ZFPM2: variants seen among roughly 807,000 people sequenced by gnomAD.
ZFPM2 encodes the protein zinc finger protein ZFPM2.
In ZFPM2, 20 loss-of-function variants were observed where a neutral mutation model predicts 98.6. The observed-to-expected ratio is 0.20, with a 90% CI of 0.14 to 0.29. The LOEUF (loss-of-function observed/expected upper bound fraction) is 0.29, where lower values mean the gene tolerates loss of function less well. Among genes scored for constraint, ZFPM2 ranks in the 10% least tolerant of loss-of-function variants. The pLI, the probability that ZFPM2 is intolerant of heterozygous loss-of-function variation, is 1.00. For synonymous variants in ZFPM2, 518 were observed against 502.7 expected, an observed-to-expected ratio of 1.03 and a Z score of -0.41; for missense variants, 1,310 against 1,388.6, an observed-to-expected ratio of 0.94 and a Z score of 0.90.
At chr8:105,782,722 A>G (rs1189931429) in intron 5 of ZFPM2, among the ~76,000 whole-genome samples, 2 of 152,174 alleles carry the variant, frequency 1.3e-5, no homozygotes, top group African/African-American at 4.8e-5. Flanking sequence ...ATTGAATCCA[A>G]GGATGCAGAA....
intron 3 of ZFPM2, among the ~76,000 whole-genome samples, chr8:105,452,024 G>A (rs527536916): frequency 6.6e-6 from 1 of 152,146 alleles, no homozygotes; most frequent in East Asian, 1.9e-4. Flanking sequence ...AATAATTTGC[G>A]AGAAAAATCT....
chr8:105,608,994 A>G (rs1198894904), intron 4 of ZFPM2, among the ~76,000 whole-genome samples: 1 of 152,150 alleles, frequency 6.6e-6, no homozygotes, highest in East Asian at 1.9e-4. Flanking sequence ...ACAAGGAAAG[A>G]AGAGACACAT....
chr8:105,399,139 A>G (rs1464723906), intron 1 of ZFPM2, among the ~76,000 whole-genome samples: 1 of 152,242 alleles, frequency 6.6e-6, no homozygotes, highest in Non-Finnish European at 1.5e-5. Flanking sequence ...CCAACGGCCA[A>G]CTGGTTCTTT....
At chr8:105,580,827 C>CTCTCTATA (rs1277698205) in intron 4 of ZFPM2, among the ~76,000 whole-genome samples, 38 of 131,470 alleles carry the variant, frequency 2.9e-4, no homozygotes, top group African/African-American at 9.3e-4. Flanking sequence ...CTCTCTCTCT[C>CTCTCTATA]TATATATATA....
intron 5 of ZFPM2, among the ~76,000 whole-genome samples, chr8:105,685,347 T>C (rs1810707154): frequency 6.6e-6 from 1 of 152,118 alleles, no homozygotes; most frequent in South Asian, 2.1e-4. Flanking sequence ...ATGGAAAATG[T>C]ATCAGATGAT....
intron 1 of ZFPM2, among the ~76,000 whole-genome samples, chr8:105,330,628 A>G (rs1230745125): frequency 2.9e-5 from 2 of 68,450 alleles, no homozygotes; most frequent in African/African-American, 8.4e-5. Context: ...ATATATATAT[A>G]TATACATATA....
intron 5 of ZFPM2, among the ~76,000 whole-genome samples, chr8:105,715,649 G>A (rs1357152151): frequency 6.6e-6 from 1 of 152,024 alleles, no homozygotes; most frequent in African/African-American, 2.4e-5. Flanking sequence ...TTAAAAATAA[G>A]GGTCATCTGG....
chr8:105,787,604 T>G (rs1009298973), intron 5 of ZFPM2: 3 of 151,972 alleles, frequency 2.0e-5, no homozygotes, highest in African/African-American at 7.3e-5. Flanking sequence ...GCTCTAAGGG[T>G]GGAAAAAATG....
chr8:105,606,834 A>T (rs185400119), intron 4 of ZFPM2, among the ~76,000 whole-genome samples: 1 of 152,130 alleles, frequency 6.6e-6, no homozygotes, highest in African/African-American at 2.4e-5. Context: ...GATCACATAT[A>T]TAATTAAAGG....
At chr8:105,738,703 A>G (rs1812146048) in intron 5 of ZFPM2, among the ~76,000 whole-genome samples, 1 of 152,038 alleles carries the variant, frequency 6.6e-6, no homozygotes, top group South Asian at 2.1e-4. Flanking sequence ...CTTTCTCATA[A>G]TAGCCATCCT....
intron 4 of ZFPM2, among the ~76,000 whole-genome samples, chr8:105,599,918 T>A (rs1266329583): frequency 6.6e-6 from 1 of 152,150 alleles, no homozygotes; most frequent in South Asian, 2.1e-4. Flanking sequence ...GCAGGACTTA[T>A]CACCCCTGCT....
In ZFPM2 at chr8:105,583,497, G is replaced by A. The variant is rs186825352; in HGVS notation, c.420+22016G>A. On this transcript the variant is annotated intron_variant, in intron 4 of 7. Transcript: ENST00000407775. ...AGTAAATTTGGGGTTATCTTTTTTC[G>A]GTTTGTGCATTTTATAATTACTTAA... Among the ~76,000 whole-genome samples the A allele has an allele frequency of 3.7e-3, 558 of 152,016 alleles. 3 individuals are homozygous for A. The highest frequency in any genetic ancestry group is 7.1e-3 in the Admixed American group (108 of 15,276).
At chr8:105,783,716 G>GTTTCT (rs1488409311) in intron 5 of ZFPM2, among the ~76,000 whole-genome samples, 1 of 152,084 alleles carries the variant, frequency 6.6e-6, no homozygotes, top group Non-Finnish European at 1.5e-5. Flanking sequence ...ATATGTCAGA[G>GTTTCT]TTTCTTTTCA....
intron 6 of ZFPM2, among the ~76,000 whole-genome samples, chr8:105,789,668 C>A (rs1182480331): frequency 2.0e-4 from 30 of 152,036 alleles, no homozygotes; most frequent in Admixed American, 1.1e-3. Flanking sequence ...ACACTGACTT[C>A]CACAATGGTT....
intron 4 of ZFPM2, among the ~76,000 whole-genome samples, chr8:105,588,414 T>TC (rs995602541): frequency 2.0e-5 from 3 of 151,408 alleles, no homozygotes; most frequent in African/African-American, 2.4e-5. Context: ...ATATTTTTTT[T>TC]CCAAAAAAAA....
intron 1 of ZFPM2, among the ~76,000 whole-genome samples, chr8:105,368,638 C>T (rs2129800415): frequency 6.6e-6 from 1 of 152,110 alleles, no homozygotes; most frequent in East Asian, 1.9e-4. Context: ...AAGTTTCTTC[C>T]TCCCCAGATC....
intron 5 of ZFPM2, among the ~76,000 whole-genome samples, chr8:105,657,412 T>C (rs34473696): frequency 0.15 from 23,529 of 152,178 alleles, 2,223 homozygotes; most frequent in Middle Eastern, 0.29. Context: ...GTGCTGGGAT[T>C]ACGGGAGTGA....
intron 3 of ZFPM2, among the ~76,000 whole-genome samples, chr8:105,491,517 A>G (rs1813355937): frequency 6.6e-6 from 1 of 152,172 alleles, no homozygotes; most frequent in African/African-American, 2.4e-5. Flanking sequence ...TAAATTCCGG[A>G]CTGTGAGATG....
intron 6 of ZFPM2, among the ~76,000 whole-genome samples, chr8:105,791,766 G>T (rs1813619332): frequency 6.6e-6 from 1 of 152,128 alleles, no homozygotes. Flanking sequence ...CACAATTTCA[G>T]CTCCTGTTAT....
Sources: gnomAD v4.1 joint callset for allele counts (sites outside exome capture counted in the v4.1 genomes callset) on GRCh38, gnomAD v4.1.1 for gene constraint, MANE v1.5 for transcripts, NCBI Gene and HGNC (gene_info 2026-07-23, HGNC 2026-07-21) for gene names.